The following LRBA variants were observed in gnomAD, a reference collection of about 807,000 sequenced individuals.
LRBA encodes the protein lipopolysaccharide-responsive and beige-like anchor protein.
A neutral mutation model predicts 330.0 loss-of-function variants in LRBA; 176 were observed. The observed-to-expected ratio is 0.53, with a 90% CI of 0.47 to 0.60. LRBA has a LOEUF of 0.60. Ranked by LOEUF, LRBA falls within the 20% of genes least tolerant of loss-of-function variation. The probability of loss-of-function intolerance (pLI) is 0.00; values close to 1 mark genes in which losing one functional copy is unlikely to be tolerated. For missense variants in LRBA, 3,259 were observed against 3,444.8 expected (o/e 0.95, Z 1.35); for synonymous variants, 1,230 against 1,193.0 (o/e 1.03, Z -0.64).
chr4:150,533,829 T>C (rs1230237338), intron 40 of LRBA, among the ~76,000 whole-genome samples: 1 of 152,172 alleles, frequency 6.6e-6, no homozygotes, highest in South Asian at 2.1e-4. Context: ...TTTGGCAAGT[T>C]TGCCTGACCT....
At chr4:150,671,524 A>C (rs1377370211) in intron 37 of LRBA, among the ~76,000 whole-genome samples, 2 of 152,220 alleles carry the variant, frequency 1.3e-5, no homozygotes, top group East Asian at 3.8e-4. Context: ...TAATGATTTA[A>C]CATGTGATAA....
At position 150,494,639 on chromosome 4, in the gene LRBA, A is replaced by T. The variant is rs985076812; in HGVS notation, c.6331-3604T>A. On this transcript the variant is annotated intron_variant, in intron 40 of 56. Transcript: ENST00000651943. ...CCTTAAACAGTATGGTTATTCAAAG[A>T]TCTACTTGAAACACTGCAAGTGTCA... is the stretch of plus-strand genomic sequence containing the variant. 1.1e-4 allele frequency among the ~76,000 whole-genome samples: 17 copies of T among 152,332 alleles called. No homozygotes were observed. In the East Asian group the frequency reaches 3.3e-3, roughly 29 times the overall value.
At chr4:150,613,735 G>A (rs1036575250) in intron 37 of LRBA, among the ~76,000 whole-genome samples, 2 of 152,208 alleles carry the variant, frequency 1.3e-5, no homozygotes, top group African/African-American at 2.4e-5. Context: ...CATCTCTGGC[G>A]GGAGTTGCAG....
At chr4:150,332,164 GT>G (rs947067080) in intron 48 of LRBA, among the ~76,000 whole-genome samples, 3 of 152,162 alleles carry the variant, frequency 2.0e-5, no homozygotes, top group Non-Finnish European at 2.9e-5. Context: ...AAGATGAATA[GT>G]TATCTAGCCC....
At chr4:150,910,658 T>C (rs1731885226) in intron 9 of LRBA, among the ~76,000 whole-genome samples, 1 of 152,144 alleles carries the variant, frequency 6.6e-6, no homozygotes, top group South Asian at 2.1e-4. Flanking sequence ...GAGAATCCCT[T>C]GAGATTCCAC....
chr4:150,422,288 C>A (rs558976950), intron 46 of LRBA, among the ~76,000 whole-genome samples: 59 of 152,224 alleles, frequency 3.9e-4, no homozygotes, highest in Non-Finnish European at 7.9e-4. Context: ...AACCCCCCAT[C>A]ATCTGCAAAG....
At chr4:150,813,830 G>A (rs183695623) in intron 31 of LRBA, among the ~76,000 whole-genome samples, 349 of 152,164 alleles carry the variant, frequency 2.3e-3, no homozygotes, top group South Asian at 9.5e-3. Flanking sequence ...CCAACTGTAG[G>A]ATAATGTAAG....
intron 17 of LRBA, among the ~76,000 whole-genome samples, chr4:150,884,989 G>C (rs1290141234): frequency 6.6e-6 from 1 of 151,908 alleles, no homozygotes; most frequent in Non-Finnish European, 1.5e-5. Flanking sequence ...GGAAATTCTA[G>C]AGATAAAAAA....
At chr4:150,590,897 G>A (rs779914595) in intron 38 of LRBA, 38 bp from the exon 39 acceptor site, 11 of 1,605,080 alleles carry the variant, frequency 6.9e-6, no homozygotes, top group Non-Finnish European at 9.3e-6. Context: ...CATCAGTTCT[G>A]GGAAGAGCAC....
At chr4:150,631,614 T>TA (rs1777386054) in intron 37 of LRBA, among the ~76,000 whole-genome samples, 1 of 152,200 alleles carries the variant, frequency 6.6e-6, no homozygotes. Context: ...AGAATGTGTA[T>TA]ATCCCAAATG....
intron 34 of LRBA, among the ~76,000 whole-genome samples, chr4:150,782,715 CA>C (rs1420112520): frequency 6.6e-6 from 1 of 152,070 alleles, no homozygotes; most frequent in African/African-American, 2.4e-5. Flanking sequence ...GACATTTTTC[CA>C]AATAAACTAA....
At chr4:150,618,140 G>C (rs1308173776) in intron 37 of LRBA, among the ~76,000 whole-genome samples, 1 of 152,090 alleles carries the variant, frequency 6.6e-6, no homozygotes, top group Non-Finnish European at 1.5e-5. Context: ...CTTAGATTCT[G>C]ATAGTTTCTC....
Position 150,661,078 on chromosome 4 carries a change from TAAAA to T in LRBA, c.5921+22469_5921+22472del, listed in dbSNP as rs559512113. Among the ~76,000 whole-genome samples the T allele has an allele frequency of 3.3e-3, 343 of 102,586 alleles. 2 individuals carry two copies. Among genetic ancestry groups the T allele is most frequent in the African/African-American group, 0.012 (319 of 26,476 alleles). The allele number at this position is 102,586 out of a possible 152,430, so 67.3% of individuals were successfully genotyped here. ...AAGAATTATCAATAAAAAAATAAAT[TAAAA>T]AAAAAAAAAAAAAAAAAAGTTTCCA... On this transcript the variant is annotated intron_variant, in intron 37 of 56. Transcript: ENST00000651943.
In LRBA at chr4:150,852,286, C is replaced by T. The variant is rs1377382315; in HGVS notation, c.3424G>A (p.Gly1142Ser). 8.1e-6 allele frequency: 13 copies of T among 1,613,940 alleles called. No homozygotes were observed. The highest frequency in any genetic ancestry group is 3.3e-5 in the South Asian group (3 of 91,080). ...NSLSPAASEA[G>S]EKLDMFGNDD... is the part of the protein sequence containing the mutation. ...TTACCAAACATGTCCAGTTTTTCACCGGCTTCAGATGCAGCTGGAGACAAA... is the reference window on the plus strand; with the variant it reads ...TTACCAAACATGTCCAGTTTTTCACTGGCTTCAGATGCAGCTGGAGACAAA... Residue 1142 changes from glycine (G) to serine (S), a missense_variant, in exon 23 of 57, where the codon GGT becomes AGT. Transcript: ENST00000651943.
chr4:150,412,189 G>A (rs1423993381), intron 47 of LRBA, among the ~76,000 whole-genome samples: 2 of 152,162 alleles, frequency 1.3e-5, no homozygotes, highest in African/African-American at 4.8e-5. Context: ...TTGAATTGCA[G>A]TGATTTTATA....
intron 37 of LRBA, among the ~76,000 whole-genome samples, chr4:150,632,095 G>A (rs923383478): frequency 7.9e-5 from 12 of 152,096 alleles, no homozygotes; most frequent in African/African-American, 2.9e-4. Context: ...GCCAGGCATG[G>A]TGGCAGGCAC....
intron 2 of LRBA, among the ~76,000 whole-genome samples, chr4:150,962,061 T>G (rs1157463147): frequency 6.7e-6 from 1 of 149,544 alleles, no homozygotes; most frequent in African/African-American, 2.6e-5. Flanking sequence ...ACTCTTAACC[T>G]GTACGCACTA....
chr4:150,314,015 T>A (rs1731406476), intron 51 of LRBA, among the ~76,000 whole-genome samples: 1 of 151,778 alleles, frequency 6.6e-6, no homozygotes, highest in Non-Finnish European at 1.5e-5. Flanking sequence ...GAGTTTGGAG[T>A]ATTTGGGGCT....
At chr4:150,568,740 A>C (rs1769472726) in intron 40 of LRBA, among the ~76,000 whole-genome samples, 1 of 152,146 alleles carries the variant, frequency 6.6e-6, no homozygotes. Context: ...ATATATTCAT[A>C]TCAAAAGCAT....
Sources: allele counts gnomAD v4.1 joint callset (sites outside exome capture counted in the v4.1 genomes callset), GRCh38; gene constraint gnomAD v4.1.1; transcripts MANE v1.5; gene names NCBI Gene and HGNC (gene_info 2026-07-23, HGNC 2026-07-21).